NLGN4X: variants seen among roughly 807,000 people sequenced by gnomAD.
NLGN4X encodes neuroligin-4, X-linked.
Under a neutral mutation model 40.3 loss-of-function variants are expected in NLGN4X, and 3 were observed. That is an observed-to-expected ratio of 0.07 (90% CI 0.03 to 0.19). The LOEUF is 0.19. NLGN4X is among the 10% of genes least tolerant of loss of function. NLGN4X has a pLI of 1.00. For synonymous variants in NLGN4X, 270 were observed against 306.8 expected, an observed-to-expected ratio of 0.88 and a Z score of 1.25; for missense variants, 382 against 708.3, an observed-to-expected ratio of 0.54 and a Z score of 5.23.
chrX:6,177,823 T>C (rs1166607560), intron 1 of NLGN4X, among the ~76,000 whole-genome samples: 1 of 110,915 alleles, frequency 9.0e-6, no homozygotes. Flanking sequence ...GTTGAAATTG[T>C]GACCCCCAAG....
chrX:6,016,579 C>A (rs1225050694), intron 3 of NLGN4X, among the ~76,000 whole-genome samples: 1 of 111,551 alleles, frequency 9.0e-6, no homozygotes, highest in Non-Finnish European at 1.9e-5. Flanking sequence ...AATATTTAAA[C>A]ACAGAGTTCA....
intron 3 of NLGN4X, among the ~76,000 whole-genome samples, chrX:6,027,323 T>A (rs1487166787): frequency 8.9e-6 from 1 of 112,411 alleles, no homozygotes; most frequent in Non-Finnish European, 1.9e-5. Context: ...GTGCAATTAC[T>A]GCTATGCAAA....
intron 2 of NLGN4X, among the ~76,000 whole-genome samples, chrX:6,052,147 G>A (rs1429241296): frequency 9.1e-6 from 1 of 109,509 alleles, no homozygotes; most frequent in African/African-American, 3.3e-5. Context: ...GCCAATACCT[G>A]AGTGACCTTG....
rs1225997437 is a variant in NLGN4X at position 5,892,728 on chromosome X, TTC to T, written c.*87_*88del. On this transcript the variant is annotated 3_prime_UTR_variant, in exon 6 of 6. Transcript: ENST00000381095. ...AACATTCCTGGTCTGGAGACTTTCT[TTC>T]TCTCTCTCTTTCCTTCTCTCTTTCC... 14 of 1,147,192 alleles carry T rather than the reference TTC, an allele frequency of 1.2e-5. No homozygotes were observed. The South Asian group carries it at 1.3e-4, about 11-fold the overall frequency. 94.5% of individuals were successfully genotyped at this position (1,147,192 alleles called of 1,213,427 possible).
At chrX:5,897,353 G>A (rs761586705) in intron 5 of NLGN4X, among the ~76,000 whole-genome samples, 7 of 111,755 alleles carry the variant, frequency 6.3e-5, no homozygotes, top group Non-Finnish European at 1.3e-4. Context: ...CAGCTTGGAC[G>A]AACCCTTTTT....
At chrX:5,974,630 C>A (rs1190564455) in intron 3 of NLGN4X, among the ~76,000 whole-genome samples, 1 of 111,517 alleles carries the variant, frequency 9.0e-6, no homozygotes, top group African/African-American at 3.3e-5. Context: ...AAACAGATCA[C>A]AAATGAATCA....
At chrX:6,125,833 T>C (rs188127904) in intron 2 of NLGN4X, among the ~76,000 whole-genome samples, 11 of 111,694 alleles carry the variant, frequency 9.8e-5, no homozygotes, top group Admixed American at 5.7e-4. Context: ...ATCAAAAGTA[T>C]AGAGTGTATA....
At chrX:6,128,563 T>C (rs770688095) in intron 2 of NLGN4X, among the ~76,000 whole-genome samples, 8 of 111,918 alleles carry the variant, frequency 7.1e-5, no homozygotes, top group South Asian at 7.4e-4. Context: ...AATGGAGGAA[T>C]AGAAAACAAA....
chrX:5,898,016 C>T (rs1234795479), intron 5 of NLGN4X, among the ~76,000 whole-genome samples: 2 of 99,535 alleles, frequency 2.0e-5, no homozygotes, highest in Non-Finnish European at 4.1e-5. Flanking sequence ...CTTCCTTCCT[C>T]CCTCCCTTCC....
chrX:6,091,357 G>C, intron 2 of NLGN4X, among the ~76,000 whole-genome samples: 1 of 111,362 alleles, frequency 9.0e-6, no homozygotes. Flanking sequence ...AAATAAGAAA[G>C]TGCAGTGACT....
chrX:5,905,617 C>T lies in NLGN4X; in HGVS notation c.812-1751G>A, dbSNP rs1039866795. ...ATCTTCATAAAACTATCACTTTCCA[C>T]GTGTACTTTGTCTTCATTAGACCAT... On this transcript the variant is annotated intron_variant, in intron 4 of 5. Coordinates refer to ENST00000381095, the MANE Select transcript of NLGN4X (RefSeq NM_181332.3). 7.1e-5 allele frequency among the ~76,000 whole-genome samples: 8 copies of T among 112,434 alleles called. No individual in the cohort carries two copies. In the South Asian group the frequency reaches 1.1e-3, roughly 15 times the overall value.
chrX:6,179,497 T>A (rs774699156), intron 1 of NLGN4X, among the ~76,000 whole-genome samples: 2 of 111,928 alleles, frequency 1.8e-5, no homozygotes, highest in South Asian at 7.4e-4. Context: ...TGATAGTAGG[T>A]TAAAATTTAG....
intron 2 of NLGN4X, among the ~76,000 whole-genome samples, chrX:6,148,001 ATTTAT>A (rs970745922): frequency 3.6e-5 from 4 of 111,947 alleles, no homozygotes; most frequent in African/African-American, 1.3e-4. Context: ...GCAAGACCTG[ATTTAT>A]TTTAAAGGGA....
chrX:6,129,744 C>G (rs189029317), intron 2 of NLGN4X, among the ~76,000 whole-genome samples: 60 of 110,268 alleles, frequency 5.4e-4, no homozygotes, highest in African/African-American at 1.9e-3. Flanking sequence ...ATTGAAGAAG[C>G]CAAAGCAAAA....
At chrX:5,937,237 G>C (rs1337114083) in intron 3 of NLGN4X, among the ~76,000 whole-genome samples, 1 of 110,658 alleles carries the variant, frequency 9.0e-6, no homozygotes, top group Non-Finnish European at 1.9e-5. Context: ...ACCACACCCA[G>C]CTAATTTTTT....
intron 3 of NLGN4X, among the ~76,000 whole-genome samples, chrX:6,007,875 A>C (rs1301542658): frequency 8.9e-6 from 1 of 112,182 alleles, no homozygotes; most frequent in East Asian, 2.8e-4. Context: ...GTCAAATTAA[A>C]TCCTAAGCTA....
At chrX:6,107,529 C>T (rs2039057014) in intron 2 of NLGN4X, among the ~76,000 whole-genome samples, 1 of 111,591 alleles carries the variant, frequency 9.0e-6, no homozygotes, top group Non-Finnish European at 1.9e-5. Flanking sequence ...GTGGCCAATA[C>T]ACTTTTTTGT....
chrX:6,069,075 G>A (rs1379334642), intron 2 of NLGN4X, among the ~76,000 whole-genome samples: 1 of 111,561 alleles, frequency 9.0e-6, no homozygotes, highest in African/African-American at 3.3e-5. Context: ...GGATCAAGAG[G>A]TCAGGAGATT....
intron 3 of NLGN4X, among the ~76,000 whole-genome samples, chrX:5,923,194 C>G (rs2033140847): frequency 8.9e-6 from 1 of 112,182 alleles, no homozygotes. Flanking sequence ...CTCACTGCAC[C>G]CTTGAGATGC....
Sources: gnomAD v4.1 joint callset for allele counts (sites outside exome capture counted in the v4.1 genomes callset) on GRCh38, gnomAD v4.1.1 for gene constraint, MANE v1.5 for transcripts, NCBI Gene and HGNC (gene_info 2026-07-23, HGNC 2026-07-21) for gene names.